Variants in RAB4A observed in about 807,000 individuals in gnomAD.
RAB4A encodes ras-related protein Rab-4A.
A neutral mutation model predicts 34.5 loss-of-function variants in RAB4A; 20 were observed. That is an observed-to-expected ratio of 0.58 (90% CI 0.41 to 0.84). The LOEUF is 0.84. Among genes scored for constraint, RAB4A ranks in the 40% least tolerant of loss-of-function variants. RAB4A has a pLI of 0.00. For missense variants in RAB4A, 228 were observed against 274.5 expected, an observed-to-expected ratio of 0.83 and a Z score of 1.20; for synonymous variants, 102 against 100.0, an observed-to-expected ratio of 1.02 and a Z score of -0.12.
chr1:229,302,294 TATATA>T (rs1657422972), intron 6 of RAB4A, among the ~76,000 whole-genome samples: 7 of 26,578 alleles, frequency 2.6e-4, no homozygotes, highest in African/African-American at 1.2e-3. Flanking sequence ...TATATATATA[TATATA>T]TATATATATA....
chr1:229,286,744 A>G (rs990320622), intron 2 of RAB4A, among the ~76,000 whole-genome samples, 178 bp downstream of exon 2: 2 of 152,198 alleles, frequency 1.3e-5, no homozygotes, highest in Non-Finnish European at 2.9e-5. Context: ...TAGCATTTCT[A>G]TTTAACAATG....
chr1:229,271,921 A>T (rs545701824), intron 1 of RAB4A, among the ~76,000 whole-genome samples: 1 of 151,912 alleles, frequency 6.6e-6, no homozygotes, highest in African/African-American at 2.4e-5. Context: ...CCTCCCTCTC[A>T]GTGTTTTTTA....
chr1:229,298,593 G>T (rs1424329586), intron 5 of RAB4A, among the ~76,000 whole-genome samples: 1 of 152,186 alleles, frequency 6.6e-6, no homozygotes. Context: ...AACACTTGTA[G>T]GTCATATTTG....
At position 229,277,271 on chromosome 1, in the gene RAB4A, G is replaced by C. The variant is rs1017687672; in HGVS notation, c.31+5901G>C. The stretch of plus-strand genomic sequence containing the variant: ...CAAATGTTAAATTTACAAGCGTCAG[G>C]ATTCCGCTGTGCCGACAACGTTTAA... On this transcript the variant is annotated intron_variant, in intron 1 of 7. Coordinates refer to ENST00000366690, the MANE Select transcript of RAB4A (RefSeq NM_004578.4). 4.6e-5 allele frequency among the ~76,000 whole-genome samples: 7 copies of C among 150,882 alleles called. 1 individual carries two copies. The highest frequency in any genetic ancestry group is 1.7e-4 in the African/African-American group (7 of 40,306).
At chr1:229,302,309 A>ATTTTTTT (rs869095524) in intron 6 of RAB4A, among the ~76,000 whole-genome samples, 2 of 35,904 alleles carry the variant, frequency 5.6e-5, no homozygotes, top group African/African-American at 1.6e-4. Context: ...ATATATATAT[A>ATTTTTTT]TTTTTTTTTT....
Position 229,297,539 on chromosome 1 carries a change from C to T in RAB4A, c.348C>T (p.Ser116=). The change falls in exon 5 of 8, where the codon AGC becomes AGT. Residue 116 remains serine, a synonymous_variant. Transcript: ENST00000366690. ...NWLTDARMLA[S]QNIVIILCGN... is the part of the protein sequence containing the mutation. ...TAACAGATGCCCGAATGCTAGCGAG[C>T]CAGAACATTGTGATCATCCTTTGTG... The T allele has an allele frequency of 6.2e-7, 1 of 1,613,060 alleles. No homozygotes were observed. The highest frequency in any genetic ancestry group is 8.5e-7 in the Non-Finnish European group (1 of 1,179,856).
At chr1:229,271,480 G>C (rs970520335) in intron 1 of RAB4A, 110 bp downstream of exon 1, 1 of 959,752 alleles carries the variant, frequency 1.0e-6, no homozygotes, top group African/African-American at 1.7e-5. Flanking sequence ...GCGCCGGCCG[G>C]AGCCGGGGGA....
At chr1:229,273,642 G>A (rs1392597398) in intron 1 of RAB4A, among the ~76,000 whole-genome samples, 2 of 152,158 alleles carry the variant, frequency 1.3e-5, no homozygotes, top group East Asian at 3.8e-4. Flanking sequence ...GGGAGGCTGA[G>A]GCATGAGAAT....
chr1:229,275,922 G>A lies in RAB4A; in HGVS notation c.31+4552G>A, dbSNP rs780179441. On this transcript the variant is annotated intron_variant, in intron 1 of 7. Coordinates refer to ENST00000366690, the MANE Select transcript of RAB4A (RefSeq NM_004578.4). ...TTTACAGGCGTGAGCCACCGTGCCC[G>A]TGTATAAATAGCATTTCAAAGTCAC... 7.3e-5 allele frequency among the ~76,000 whole-genome samples: 11 copies of A among 151,018 alleles called. 1 individual carries two copies. The highest frequency in any genetic ancestry group is 2.0e-4 in the African/African-American group (8 of 40,446).
At chr1:229,303,065 G>C in intron 7 of RAB4A, 76 bp downstream of exon 7, 2 of 1,105,756 alleles carry the variant, frequency 1.8e-6, no homozygotes, top group Admixed American at 3.9e-5. Flanking sequence ...TTGGGAAGCT[G>C]CAGTATGAAA....
At chr1:229,284,742 T>G (rs1298550383) in intron 1 of RAB4A, among the ~76,000 whole-genome samples, 1 of 152,226 alleles carries the variant, frequency 6.6e-6, no homozygotes, top group Non-Finnish European at 1.5e-5. Flanking sequence ...TATTTTTTAT[T>G]TGAACAATCC....
chr1:229,295,895 T>G lies in RAB4A; in HGVS notation c.275T>G (p.Val92Gly). 1 of 1,614,038 alleles carries G rather than the reference T, an allele frequency of 6.2e-7. No homozygotes were observed. The change falls in exon 4 of 8, where the codon GTC (valine) becomes GGC (glycine). Residue 92 changes from valine (V) to glycine (G), a missense_variant. Transcript: ENST00000366690. ...CGAGGCGCGGCCGGGGCTCTCCTCG[T>G]CTATGATATCACCAGGTAATGCCAG... ...YYRGAAGALL[V>G]YDITSRETYN...
rs899486176 is a variant in RAB4A at position 229,298,957 on chromosome 1, T to G, written c.446-20T>G. 1.9e-6 allele frequency: 3 copies of G among 1,560,146 alleles called. No individual in the cohort carries two copies. The highest frequency in any genetic ancestry group is 2.6e-6 in the Non-Finnish European group (3 of 1,137,350). On this transcript the variant is annotated intron_variant, in intron 5 of 7. Transcript: ENST00000366690. ...ATCATCTTCTAAACATGACTTTATTTTGTTTGATGTCCATTTTAGAGCTGA... is the reference window on the plus strand; with the variant it reads ...ATCATCTTCTAAACATGACTTTATTGTGTTTGATGTCCATTTTAGAGCTGA...
At chr1:229,294,748 T>G (rs1657191053) in intron 3 of RAB4A, among the ~76,000 whole-genome samples, 1 of 152,136 alleles carries the variant, frequency 6.6e-6, no homozygotes, top group Non-Finnish European at 1.5e-5. Flanking sequence ...GAGAATTGCT[T>G]GAACCTGGGA....
chr1:229,285,660 T>C (rs1424700268), intron 1 of RAB4A, among the ~76,000 whole-genome samples: 1 of 152,118 alleles, frequency 6.6e-6, no homozygotes, highest in Non-Finnish European at 1.5e-5. Context: ...AGGAGTGGAC[T>C]TAGCAGCTGA....
intron 3 of RAB4A, among the ~76,000 whole-genome samples, chr1:229,293,673 C>G (rs1242887414): frequency 6.6e-6 from 1 of 152,128 alleles, no homozygotes; most frequent in Non-Finnish European, 1.5e-5. Flanking sequence ...GGCAGGCAGC[C>G]AACACAGAGA....
At chr1:229,293,522 G>A (rs1389759292) in intron 3 of RAB4A, among the ~76,000 whole-genome samples, 3 of 152,190 alleles carry the variant, frequency 2.0e-5, no homozygotes, top group Non-Finnish European at 1.5e-5. Flanking sequence ...AACCTGGGAC[G>A]AAGACCAAAT....
rs1430935114 is a variant in RAB4A, at chr1:229,305,268, G to A, written c.*1475G>A. The A allele has an allele frequency of 4.4e-6, 7 of 1,596,526 alleles. No individual in the cohort carries two copies. In the African/African-American group the frequency reaches 6.7e-5, roughly 15 times the overall value. ...ACTGAACTACTTCTTAGACCTCACT[G>A]TAAGAATATTTTATTCAATGTCTCA... On this transcript the variant is annotated 3_prime_UTR_variant, in exon 8 of 8. Transcript: ENST00000366690.
chr1:229,302,796 T>A (rs1163570082), intron 6 of RAB4A, 66 bp from the exon 7 acceptor site: 10 of 1,149,260 alleles, frequency 8.7e-6, no homozygotes, highest in East Asian at 4.8e-5. Context: ...TTTTTTTTTT[T>A]AATCTATTTT....
Sources: allele counts gnomAD v4.1 joint callset (sites outside exome capture counted in the v4.1 genomes callset), GRCh38; gene constraint gnomAD v4.1.1; transcripts MANE v1.5; gene names NCBI Gene and HGNC (gene_info 2026-07-23, HGNC 2026-07-21).